Variants in PLEKHA5 observed in about 807,000 individuals in gnomAD.
PLEKHA5 encodes pleckstrin homology domain-containing family A member 5.
PLEKHA5 carries 55 observed loss-of-function variants against 181.9 expected under a neutral mutation model. The observed-to-expected ratio is 0.30, with a 90% CI of 0.24 to 0.38. PLEKHA5 has a LOEUF of 0.38. Among genes scored for constraint, PLEKHA5 ranks in the 10% least tolerant of loss-of-function variants. PLEKHA5 has a pLI of 1.00. For missense variants in PLEKHA5, 1,432 were observed against 1,549.5 expected (o/e 0.92, Z 1.27); for synonymous variants, 535 against 529.4 (o/e 1.01, Z -0.15).
In PLEKHA5 at chr12:19,322,600, T is replaced by C. The variant is rs1476923726; in HGVS notation, c.2381T>C (p.Val794Ala). 2 of 1,613,544 alleles carry C rather than the reference T, an allele frequency of 1.2e-6. No homozygotes were observed. Among genetic ancestry groups the C allele is most frequent in the African/African-American group, 1.3e-5 (1 of 74,876 alleles). Residue 794 changes from valine to alanine, a missense_variant, in exon 20 of 32, where the codon GTG becomes GCG. Val to Ala is a moderately conservative substitution (Grantham distance 64, BLOSUM62 0). This residue lies in a region of PLEKHA5 where 1,143 missense variants were observed against 1,168.4 expected (regional missense o/e 0.98). Transcript: ENST00000429027. ...AACCCAGCAGCCATTCAGACAGTGG[T>C]GTTACAAAGGGATGATTTACAAAAT... ...ADNPAAIQTV[V>A]LQRDDLQNGL...
chr12:19,352,870 C>T (rs1565653084), intron 25 of PLEKHA5, among the ~76,000 whole-genome samples: 2 of 151,684 alleles, frequency 1.3e-5, no homozygotes, highest in African/African-American at 4.8e-5. Context: ...TCTCAACTCA[C>T]TGTAACCTCT....
chr12:19,270,230 T>C (rs2072203159), intron 10 of PLEKHA5, 25 bp downstream of exon 10: 3 of 1,308,258 alleles, frequency 2.3e-6, no homozygotes, highest in Non-Finnish European at 3.1e-6. Context: ...AATTGTTACC[T>C]TAAAGCTACA....
rs1337278544 is a variant in PLEKHA5, at chr12:19,334,980, T to TA, written c.2449-1534dup. Among the ~76,000 whole-genome samples the TA allele has an allele frequency of 6.8e-4, 72 of 105,560 alleles. 1 individual carries two copies. The highest frequency in any genetic ancestry group is 2.8e-3 in the African/African-American group (69 of 24,440). The allele number at this position is 105,560 out of a possible 152,430, so 69.3% of individuals were successfully genotyped here. On this transcript the variant is annotated intron_variant, in intron 20 of 31. Transcript: ENST00000429027. ...TTTTCTTCACCTAAGATTTTTTTTTTATGAAAAAAAAAAAAAAAAAAAAGA... is the reference window on the plus strand; with the variant it reads ...TTTTCTTCACCTAAGATTTTTTTTTTAATGAAAAAAAAAAAAAAAAAAAAGA...
chr12:19,367,333 G>C (rs2095456293), intron 30 of PLEKHA5, among the ~76,000 whole-genome samples: 1 of 122,602 alleles, frequency 8.2e-6, no homozygotes. Flanking sequence ...TCAGCTCACT[G>C]CAATCTCCAC....
intron 21 of PLEKHA5, among the ~76,000 whole-genome samples, chr12:19,341,713 G>C (rs116491831): frequency 1.1e-4 from 17 of 151,520 alleles, no homozygotes; most frequent in African/African-American, 4.1e-4. Context: ...CCAAGTGCTT[G>C]GAAGACTTTG....
At chr12:19,324,582 T>C (rs2091668737) in intron 20 of PLEKHA5, among the ~76,000 whole-genome samples, 1 of 152,120 alleles carries the variant, frequency 6.6e-6, no homozygotes, top group South Asian at 2.1e-4. Flanking sequence ...AATATAGTCA[T>C]AAAGAAAATA....
chr12:19,294,028 T>G (rs1445916967), intron 15 of PLEKHA5, among the ~76,000 whole-genome samples: 3 of 152,148 alleles, frequency 2.0e-5, no homozygotes, highest in African/African-American at 4.8e-5. Flanking sequence ...AGCTATTCAA[T>G]TTTTAAAGTT....
chr12:19,320,107 G>C (rs1162526320), intron 17 of PLEKHA5, 51 bp downstream of exon 17: 1 of 674,796 alleles, frequency 1.5e-6, no homozygotes, highest in Non-Finnish European at 2.3e-6. Flanking sequence ...TATAGGTTTT[G>C]TTAAGATGTG....
At chr12:19,342,502 C>G (rs2094012330) in intron 21 of PLEKHA5, among the ~76,000 whole-genome samples, 1 of 152,024 alleles carries the variant, frequency 6.6e-6, no homozygotes, top group Admixed American at 6.6e-5. Context: ...ACTAAAAATA[C>G]AAAATTAGCC....
chr12:19,366,995 G>A (rs1416705380), intron 30 of PLEKHA5, among the ~76,000 whole-genome samples: 1 of 151,612 alleles, frequency 6.6e-6, no homozygotes, highest in Non-Finnish European at 1.5e-5. Context: ...TTGGCTCACT[G>A]CAACCTCTGC....
At chr12:19,269,911 G>A in intron 9 of PLEKHA5, 26 bp downstream of exon 9, 1 of 1,206,204 alleles carries the variant, frequency 8.3e-7, no homozygotes, top group Non-Finnish European at 1.2e-6. Context: ...AAAAATGATG[G>A]TGATTTCCAC....
chr12:19,364,411 T>C (rs1471430939), intron 29 of PLEKHA5, among the ~76,000 whole-genome samples: 1 of 151,896 alleles, frequency 6.6e-6, no homozygotes, highest in Non-Finnish European at 1.5e-5. Flanking sequence ...CTTGTGAGAC[T>C]GAGGCACAAG....
chr12:19,225,091 C>A (rs1402043671), intron 3 of PLEKHA5, among the ~76,000 whole-genome samples: 2 of 152,258 alleles, frequency 1.3e-5, no homozygotes, highest in African/African-American at 4.8e-5. Context: ...AGGACAGATA[C>A]CAGTGGAAAG....
chr12:19,133,911 CT>C (rs1158771225), intron 3 of PLEKHA5, among the ~76,000 whole-genome samples: 1 of 151,972 alleles, frequency 6.6e-6, no homozygotes, highest in Non-Finnish European at 1.5e-5. Flanking sequence ...AAAAGGGATA[CT>C]TCTTTTCTTG....
At chr12:19,306,302 A>T in intron 15 of PLEKHA5, 1 of 371,706 alleles carries the variant, frequency 2.7e-6, no homozygotes, top group Non-Finnish European at 5.3e-6. Context: ...AGAGTTAATT[A>T]TGAAAATTGT....
chr12:19,165,190 G>A (rs530677000), intron 3 of PLEKHA5, among the ~76,000 whole-genome samples: 1 of 152,290 alleles, frequency 6.6e-6, no homozygotes, highest in African/African-American at 2.4e-5. Context: ...TGGAGATGAC[G>A]ATCCCACCAG....
At chr12:19,263,919 T>C (rs1377559397) in intron 7 of PLEKHA5, among the ~76,000 whole-genome samples, 1 of 152,234 alleles carries the variant, frequency 6.6e-6, no homozygotes. Context: ...GTACTTACTC[T>C]TTGTCAGTCT....
chr12:19,275,491 G>A (rs1037946353), intron 11 of PLEKHA5, among the ~76,000 whole-genome samples: 2 of 152,138 alleles, frequency 1.3e-5, no homozygotes, highest in African/African-American at 2.4e-5. Context: ...AAGGCCAGGC[G>A]CAGTTTTTCG....
chr12:19,347,022 C>A lies in PLEKHA5; in HGVS notation c.2738C>A (p.Pro913Gln), dbSNP rs1263049908. ...EEEEVVPPRP[P>Q]LPRSYDFTEQ... ...GAGGAAGTAGTCCCACCTCGTCCTC[C>A]ACTTCCTCGGTCCTATGACTTTACA... is the stretch of plus-strand genomic sequence containing the variant. Residue 913 changes from proline (P) to glutamine (Q), a missense_variant, in exon 24 of 32, where the codon CCA becomes CAA. By Grantham distance (76) the Pro-to-Gln change is moderately conservative. This residue lies in a region of PLEKHA5 where 1,143 missense variants were observed against 1,168.4 expected (regional missense o/e 0.98). Coordinates refer to ENST00000429027, the MANE Select transcript of PLEKHA5 (RefSeq NM_001256470.2). 1 of 1,550,102 alleles carries A rather than the reference C, an allele frequency of 6.5e-7. No homozygotes were observed.
Sources: gnomAD v4.1 joint callset for allele counts (sites outside exome capture counted in the v4.1 genomes callset) on GRCh38, gnomAD v4.1.1 for gene constraint, gnomAD v4.1.1 regional missense constraint, MANE v1.5 for transcripts, NCBI Gene and HGNC (gene_info 2026-07-23, HGNC 2026-07-21) for gene names.